The following BOD1L1 variants were observed in gnomAD, a reference collection of about 807,000 sequenced individuals.
The protein encoded by BOD1L1 is biorientation of chromosomes in cell division protein 1-like 1.
Under a neutral mutation model 240.7 loss-of-function variants are expected in BOD1L1, and 86 were observed. That is an observed-to-expected ratio of 0.36 (90% CI 0.30 to 0.43). The LOEUF is 0.43. Ranked by LOEUF, BOD1L1 falls within the 20% of genes least tolerant of loss-of-function variation. The probability of loss-of-function intolerance (pLI) is 1.00; values close to 1 mark genes in which losing one functional copy is unlikely to be tolerated. For missense variants in BOD1L1, 3,554 were observed against 3,643.5 expected (o/e 0.98, Z 0.63); for synonymous variants, 1,268 against 1,272.3 (o/e 1.00, Z 0.07).
In BOD1L1 at chr4:13,609,373, G is replaced by C. The variant is rs771961500; in HGVS notation, c.1525C>G (p.Gln509Glu). 2.6e-6 allele frequency: 4 copies of C among 1,532,212 alleles called. No individual in the cohort carries two copies. In the South Asian group the frequency reaches 5.2e-5, roughly 20 times the overall value. The allele number at this position is 1,532,212 out of a possible 1,614,324, so 94.9% of individuals were successfully genotyped here. A position where few individuals can be genotyped will look rare whatever the true frequency, so the allele number is the denominator to read the frequency against. The change falls in exon 7 of 26, where the codon CAA becomes GAA. Residue 509 changes from glutamine (Q) to glutamate (E), a missense_variant. Around this residue, in one of 2 missense-constraint regions of BOD1L1, gnomAD observed 3,393 missense variants for 3,427.1 expected, o/e 0.99. Coordinates refer to ENST00000040738, the MANE Select transcript of BOD1L1 (RefSeq NM_148894.3). ...KEKEERLLRR[Q>E]INREKLEEKR... ...TCTTCAAGTTTTTCTCTATTGATTTGCCTTCTTAAAAGCCTCTCTTCTTTT... is the reference window on the plus strand; with the variant it reads ...TCTTCAAGTTTTTCTCTATTGATTTCCCTTCTTAAAAGCCTCTCTTCTTTT...
chr4:13,621,897 C>T (rs1170457399), intron 1 of BOD1L1, among the ~76,000 whole-genome samples: 2 of 145,118 alleles, frequency 1.4e-5, no homozygotes, highest in African/African-American at 5.2e-5. Context: ...CAGAGTCTTG[C>T]TCGATTGCCC....
At position 13,604,986 on chromosome 4, in the gene BOD1L1, C is replaced by A. The variant is rs368701615; in HGVS notation, c.1914G>T (p.Leu638Phe). 3.1e-6 allele frequency: 5 copies of A among 1,613,292 alleles called. No homozygotes were observed. The highest frequency in any genetic ancestry group is 1.6e-4 in the Middle Eastern group (1 of 6,082). ...SKPARRLSES[L>F]HVVDENKNES... ...CATTTTTGTTTTCGTCAACTACATG[C>A]AAAGACTCTGAAAGTCTCCGGGCAG... The change falls in exon 10 of 26, where the codon TTG becomes TTT. Residue 638 changes from leucine (L) to phenylalanine (F), a missense_variant. By Grantham distance (22) the Leu-to-Phe change is conservative (BLOSUM62 0). Transcript: ENST00000040738.
chr4:13,586,389 A>T lies in BOD1L1; in HGVS notation c.8433+7T>A. The T allele has an allele frequency of 6.2e-7, 1 of 1,604,232 alleles. No homozygotes were observed. The highest frequency in any genetic ancestry group is 8.5e-7 in the Non-Finnish European group (1 of 1,173,006). Reference sequence around the variant, plus strand: ...CAAAACTTAAAACTAATATGTGGAAAAAATACCTTTGTGTCATGTGGCTCC... The same window carrying T: ...CAAAACTTAAAACTAATATGTGGAATAAATACCTTTGTGTCATGTGGCTCC... On this transcript the variant is annotated splice_region_variant and intron_variant, in intron 17 of 25. Transcript: ENST00000040738.
Position 13,602,644 on chromosome 4 carries a change from T to C in BOD1L1, c.4256A>G (p.Glu1419Gly), listed in dbSNP as rs367763627. 2.5e-6 allele frequency: 4 copies of C among 1,613,936 alleles called. No homozygotes were observed. The African/African-American group carries it at 5.3e-5, about 22-fold the overall frequency. The change falls in exon 10 of 26, where the codon GAG (glutamate) becomes GGG (glycine). Residue 1419 changes from glutamate (E) to glycine (G), a missense_variant. Physicochemically the swap from Glu to Gly is moderately conservative, Grantham distance 98 (BLOSUM62 -2). Around this residue, in one of 2 missense-constraint regions of BOD1L1, gnomAD observed 3,393 missense variants for 3,427.1 expected, o/e 0.99. Coordinates refer to ENST00000040738, the MANE Select transcript of BOD1L1 (RefSeq NM_148894.3). Reference sequence around the variant, plus strand: ...TTTAATTGTCTGCTTTAAATTGGGCTCTGCATTTAAGTCATTTTCTTTCTT... The same window carrying C: ...TTTAATTGTCTGCTTTAAATTGGGCCCTGCATTTAAGTCATTTTCTTTCTT... ...MAKKENDLNA[E>G]PNLKQTIKAT...
intron 2 of BOD1L1, among the ~76,000 whole-genome samples, chr4:13,617,242 C>CAAA (rs35905517): frequency 7.7e-5 from 9 of 116,320 alleles, no homozygotes; most frequent in African/African-American, 2.6e-4. Flanking sequence ...AACTCCGTCT[C>CAAA]AAAAAAAAAA....
Position 13,614,400 on chromosome 4 carries a change from T to C in BOD1L1, c.970A>G (p.Lys324Glu). 1.9e-6 allele frequency: 3 copies of C among 1,575,682 alleles called. No individual in the cohort carries two copies. Among genetic ancestry groups the C allele is most frequent in the East Asian group, 4.6e-5 (2 of 43,610 alleles). The stretch of plus-strand genomic sequence containing the variant: ...CCTTTCTCATTGCTGTCTGGCTTCT[T>C]TTCACCTTTGTCTGTTGATTTATTT... ...QKNKSTDKGE[K>E]KPDSNEKGER... Residue 324 changes from lysine to glutamate, a missense_variant, in exon 4 of 26, where the codon AAG (lysine) becomes GAG (glutamate). By Grantham distance (56) the Lys-to-Glu change is moderately conservative. Around this residue, in one of 2 missense-constraint regions of BOD1L1, gnomAD observed 3,393 missense variants for 3,427.1 expected, o/e 0.99. Coordinates refer to ENST00000040738, the MANE Select transcript of BOD1L1 (RefSeq NM_148894.3).
At chr4:13,573,897 G>A (rs1388519617) in intron 25 of BOD1L1, among the ~76,000 whole-genome samples, 1 of 151,822 alleles carries the variant, frequency 6.6e-6, no homozygotes, top group African/African-American at 2.4e-5. Context: ...GGCTGGTCTC[G>A]AACTCCCAGC....
chr4:13,599,756 T>G lies in BOD1L1; in HGVS notation c.7144A>C (p.Asn2382His). 1 of 1,613,964 alleles carries G rather than the reference T, an allele frequency of 6.2e-7. No homozygotes were observed. The highest frequency in any genetic ancestry group is 8.5e-7 in the Non-Finnish European group (1 of 1,179,874). The change falls in exon 10 of 26, where the codon AAT becomes CAT. Residue 2382 changes from asparagine (N) to histidine (H), a missense_variant. Around this residue, in one of 2 missense-constraint regions of BOD1L1, gnomAD observed 3,393 missense variants for 3,427.1 expected, o/e 0.99. Transcript: ENST00000040738. ...KVPMPSLIAENNCRCPGPVRG... is the reference protein window; with the variant it reads ...KVPMPSLIAEHNCRCPGPVRG... ...ACTGGCCCAGGACACCGACAGTTATTCTCAGCAATTAGGCTGGGCATGGGG... is the reference window on the plus strand; with the variant it reads ...ACTGGCCCAGGACACCGACAGTTATGCTCAGCAATTAGGCTGGGCATGGGG...
At chr4:13,593,342 C>T (rs989447669) in intron 12 of BOD1L1, 3 of 151,896 alleles carry the variant, frequency 2.0e-5, no homozygotes, top group Non-Finnish European at 4.4e-5. Flanking sequence ...CATTAAAAGA[C>T]CTAAAATTGG....
Position 13,601,999 on chromosome 4 carries a change from T to G in BOD1L1, c.4901A>C (p.His1634Pro). The G allele has an allele frequency of 6.2e-7, 1 of 1,614,056 alleles. No homozygotes were observed. The highest frequency in any genetic ancestry group is 1.1e-5 in the South Asian group (1 of 91,092). The part of the protein sequence containing the change: ...EDRAADLLAV[H>P]AVKIEANVNS... ...TACATTGGCTTCGATTTTAACTGCA[T>G]GCACAGCCAGTAGGTCTGCTGCTCT... Residue 1634 changes from histidine (H) to proline (P), a missense_variant, in exon 10 of 26, where the codon CAT becomes CCT. Around this residue, in one of 2 missense-constraint regions of BOD1L1, gnomAD observed 3,393 missense variants for 3,427.1 expected, o/e 0.99. Transcript: ENST00000040738.
chr4:13,589,507 A>G (rs1714012569), intron 14 of BOD1L1, among the ~76,000 whole-genome samples: 1 of 152,234 alleles, frequency 6.6e-6, no homozygotes, highest in South Asian at 2.1e-4. Flanking sequence ...AACGCTGCTG[A>G]ATGAGCAAAT....
chr4:13,574,054 A>G (rs943015441), intron 25 of BOD1L1, among the ~76,000 whole-genome samples: 1 of 152,208 alleles, frequency 6.6e-6, no homozygotes, highest in African/African-American at 2.4e-5. Flanking sequence ...ATAAGCAAGC[A>G]GAGAAGACCT....
At position 13,614,604 on chromosome 4, in the gene BOD1L1, T is replaced by A; in HGVS notation, c.766A>T (p.Met256Leu). The A allele has an allele frequency of 6.2e-7, 1 of 1,613,978 alleles. No individual in the cohort carries two copies. The highest frequency in any genetic ancestry group is 8.5e-7 in the Non-Finnish European group (1 of 1,179,878). ...STDKERTSED[M>L]ADKEKSTADS... Reference sequence around the variant, plus strand: ...GCTGTAGATTTTTCTTTATCAGCCATGTCCTCTGAAGTTCTTTCTTTGTCA... The same window carrying A: ...GCTGTAGATTTTTCTTTATCAGCCAAGTCCTCTGAAGTTCTTTCTTTGTCA... The change falls in exon 4 of 26, where the codon ATG (methionine) becomes TTG (leucine). Residue 256 changes from methionine (M) to leucine (L), a missense_variant. Physicochemically the swap from Met to Leu is conservative, Grantham distance 15 (BLOSUM62 2). Around this residue, in one of 2 missense-constraint regions of BOD1L1, gnomAD observed 3,393 missense variants for 3,427.1 expected, o/e 0.99. Transcript: ENST00000040738.
chr4:13,623,791 T>C (rs1307274769), intron 1 of BOD1L1: 1 of 152,208 alleles, frequency 6.6e-6, no homozygotes, highest in Non-Finnish European at 1.5e-5. Context: ...TTCTTAAATA[T>C]GCATGTGACA....
At chr4:13,615,014 G>A (rs1478209743) in intron 3 of BOD1L1, among the ~76,000 whole-genome samples, 1 of 152,066 alleles carries the variant, frequency 6.6e-6, no homozygotes, top group Non-Finnish European at 1.5e-5. Context: ...CTTAGCGAGG[G>A]CACCATGCAA....
Position 13,599,618 on chromosome 4 carries a change from C to T in BOD1L1, c.7282G>A (p.Ala2428Thr), listed in dbSNP as rs905526771. The T allele has an allele frequency of 6.2e-7, 1 of 1,613,918 alleles. No individual in the cohort carries two copies. Among genetic ancestry groups the T allele is most frequent in the Non-Finnish European group, 8.5e-7 (1 of 1,179,906 alleles). Residue 2428 changes from alanine to threonine, a missense_variant, in exon 10 of 26, where the codon GCG (alanine) becomes ACG (threonine). Coordinates refer to ENST00000040738, the MANE Select transcript of BOD1L1 (RefSeq NM_148894.3). ...AGQGHPSAVC[A>T]EKEEKHGKEC... ...TTGCCATGCTTCTCTTCTTTTTCCG[C>T]ACAAACAGCACTTGGATGGCCTTGC...
At position 13,599,918 on chromosome 4, in the gene BOD1L1, C is replaced by G. The variant is rs780751790; in HGVS notation, c.6982G>C (p.Ala2328Pro). The G allele has an allele frequency of 6.8e-6, 11 of 1,613,722 alleles. No individual in the cohort carries two copies. Among genetic ancestry groups the G allele is most frequent in the Non-Finnish European group, 9.3e-6 (11 of 1,179,770 alleles). ...ITRVEDLSDA[A>P]IISTSTAECM... ...TCTGCTGTGCTGGTGGAGATGATGGCAGCATCGCTCAAGTCTTCTACTCTT... is the reference window on the plus strand; with the variant it reads ...TCTGCTGTGCTGGTGGAGATGATGGGAGCATCGCTCAAGTCTTCTACTCTT... The change falls in exon 10 of 26, where the codon GCC becomes CCC. Residue 2328 changes from alanine to proline, a missense_variant. Physicochemically the swap from Ala to Pro is conservative, Grantham distance 27. Transcript: ENST00000040738.
Position 13,602,304 on chromosome 4 carries a change from T to C in BOD1L1, c.4596A>G (p.Pro1532=). 6.2e-7 allele frequency: 1 copy of C among 1,613,966 alleles called. No homozygotes were observed. Among genetic ancestry groups the C allele is most frequent in the East Asian group, 2.2e-5 (1 of 44,880 alleles). The change falls in exon 10 of 26, where the codon CCA becomes CCG. Residue 1532 remains proline (P), a synonymous_variant. Transcript: ENST00000040738. ...EGKDKDVTLS[P]VKAGPATTTS... is the part of the protein sequence containing the mutation. ...TGGTTGTGGCAGGCCCAGCCTTCAC[T>C]GGACTTAAGGTGACATCTTTGTCCT...
chr4:13,575,968 T>C (rs1424166626), intron 25 of BOD1L1, among the ~76,000 whole-genome samples: 1 of 132,212 alleles, frequency 7.6e-6, no homozygotes, highest in Non-Finnish European at 1.6e-5. Flanking sequence ...AGTGGAGCCA[T>C]CTCAGCTCAC....
Sources: allele counts gnomAD v4.1 joint callset (sites outside exome capture counted in the v4.1 genomes callset), GRCh38; gene constraint gnomAD v4.1.1; regional missense constraint gnomAD v4.1.1; transcripts MANE v1.5; gene names NCBI Gene and HGNC (gene_info 2026-07-23, HGNC 2026-07-21).